The following DLGAP1 variants were observed in gnomAD, a reference collection of about 807,000 sequenced individuals.
DLGAP1 encodes disks large-associated protein 1.
Under a neutral mutation model 90.8 loss-of-function variants are expected in DLGAP1, and 11 were observed. That is an observed-to-expected ratio of 0.12 (90% CI 0.08 to 0.20). DLGAP1 has a LOEUF of 0.20. Among genes scored for constraint, DLGAP1 ranks in the 10% least tolerant of loss-of-function variants. The probability of loss-of-function intolerance (pLI) is 1.00; values close to 1 mark genes in which losing one functional copy is unlikely to be tolerated. For synonymous variants in DLGAP1, 558 were observed against 540.7 expected (o/e 1.03, Z -0.44); for missense variants, 1,050 against 1,333.8 (o/e 0.79, Z 3.31).
At chr18:4,055,130 A>C (rs570102157) in intron 2 of DLGAP1, among the ~76,000 whole-genome samples, 1 of 152,278 alleles carries the variant, frequency 6.6e-6, no homozygotes, top group Non-Finnish European at 1.5e-5. Flanking sequence ...ATGTGACATG[A>C]GCAGTGAGGT....
chr18:3,692,003 C>A lies in DLGAP1; in HGVS notation c.1591+37132G>T, dbSNP rs1485586773. Among the ~76,000 whole-genome samples, 4 of 152,112 alleles carry A rather than the reference C, an allele frequency of 2.6e-5. 1 individual carries two copies. In the East Asian group the frequency reaches 7.7e-4, roughly 29 times the overall value. ...ATATAAGGAAGGAAAAATAGAAAAT[C>A]TTGAATCCACGTAATGGTGGTTTGT... On this transcript the variant is annotated intron_variant, in intron 7 of 12. Coordinates refer to ENST00000315677, the MANE Select transcript of DLGAP1 (RefSeq NM_004746.4).
chr18:3,944,604 G>A (rs1001130012), intron 3 of DLGAP1, among the ~76,000 whole-genome samples: 2 of 152,204 alleles, frequency 1.3e-5, no homozygotes, highest in African/African-American at 2.4e-5. Context: ...AGTATGAGCT[G>A]GGGCTGAGGC....
At chr18:3,949,375 G>A (rs1015162933) in intron 3 of DLGAP1, among the ~76,000 whole-genome samples, 7 of 152,284 alleles carry the variant, frequency 4.6e-5, no homozygotes, top group African/African-American at 1.7e-4. Context: ...TTGTAGCTCC[G>A]GACCTGGGGC....
intron 7 of DLGAP1, among the ~76,000 whole-genome samples, chr18:3,712,965 A>C (rs2061644286): frequency 6.6e-6 from 1 of 152,208 alleles, no homozygotes. Flanking sequence ...TGTGTTCAGA[A>C]GGATGGGGCA....
chr18:3,850,094 C>T (rs1489413605), intron 4 of DLGAP1, among the ~76,000 whole-genome samples: 1 of 151,414 alleles, frequency 6.6e-6, no homozygotes, highest in Non-Finnish European at 1.5e-5. Context: ...AGGCCAGGTG[C>T]AGTGGCTCAC....
At chr18:3,737,299 C>A (rs2062687172) in intron 6 of DLGAP1, among the ~76,000 whole-genome samples, 2 of 152,178 alleles carry the variant, frequency 1.3e-5, no homozygotes. Context: ...GATACCAAAG[C>A]CTGGCAGAGA....
In DLGAP1 at chr18:4,242,292, T is replaced by C. The variant is rs114631974; in HGVS notation, c.-266-91005A>G. Among the ~76,000 whole-genome samples the C allele has an allele frequency of 7.0e-3, 1,073 of 152,284 alleles. 13 individuals carry two copies. Among genetic ancestry groups the C allele is most frequent in the African/African-American group, 0.025 (1,040 of 41,558 alleles). ...TCAAGATTCATCTTGAAATATTTTA[T>C]GCATTCTTTTTTTAATCCACTGGAA... On this transcript the variant is annotated intron_variant, in intron 1 of 12. Coordinates refer to ENST00000315677, the MANE Select transcript of DLGAP1 (RefSeq NM_004746.4).
intron 1 of DLGAP1, among the ~76,000 whole-genome samples, chr18:4,290,900 C>A (rs566309316): frequency 6.6e-6 from 1 of 152,078 alleles, no homozygotes; most frequent in Non-Finnish European, 1.5e-5. Flanking sequence ...GTGCCCTGTA[C>A]GGAGTGCTCA....
intron 1 of DLGAP1, among the ~76,000 whole-genome samples, chr18:4,431,571 C>T (rs1172649231): frequency 2.0e-5 from 3 of 152,140 alleles, no homozygotes; most frequent in Non-Finnish European, 4.4e-5. Context: ...CAAAACCATC[C>T]TCTTTGAGGT....
chr18:3,608,570 A>C (rs1220194109), intron 7 of DLGAP1, among the ~76,000 whole-genome samples: 2 of 152,216 alleles, frequency 1.3e-5, no homozygotes, highest in Non-Finnish European at 2.9e-5. Flanking sequence ...GTTGGGGCTC[A>C]GAACATAATG....
At chr18:4,265,641 T>TCCCTCCCCTCCC (rs1568480247) in intron 1 of DLGAP1, among the ~76,000 whole-genome samples, 1 of 28,298 alleles carries the variant, frequency 3.5e-5, no homozygotes, top group Non-Finnish European at 5.1e-5. Flanking sequence ...CTCCCTCCCC[T>TCCCTCCCCTCCC]TCCCTCCCTC....
intron 7 of DLGAP1, among the ~76,000 whole-genome samples, chr18:3,636,970 G>C (rs1363754049): frequency 6.6e-6 from 1 of 151,882 alleles, no homozygotes; most frequent in African/African-American, 2.4e-5. Context: ...TGATCCACCC[G>C]CCTCGGCATC....
rs115055880 is a variant in DLGAP1, at chr18:3,660,975, C to G, written c.1591+68160G>C. The stretch of plus-strand genomic sequence containing the variant: ...AGAAAGAGGAACTAAAAAAGAACTT[C>G]AGCCTTTAATATCCTTTTTCTAAGT... On this transcript the variant is annotated intron_variant, in intron 7 of 12. Transcript: ENST00000315677. The surrounding 1 kb of genome is among the most constrained non-coding windows in gnomAD (Gnocchi z 4.2). 5.7e-3 allele frequency among the ~76,000 whole-genome samples: 861 copies of G among 152,342 alleles called. 7 individuals are homozygous for G. Among genetic ancestry groups the G allele is most frequent in the African/African-American group, 0.02 (830 of 41,572 alleles).
At position 3,879,398 on chromosome 18, in the gene DLGAP1, A is replaced by G. The variant is rs2071088000; in HGVS notation, c.671T>C (p.Met224Thr). The G allele has an allele frequency of 6.2e-7, 1 of 1,612,832 alleles. No individual in the cohort carries two copies. Among genetic ancestry groups the G allele is most frequent in the African/African-American group, 1.3e-5 (1 of 74,950 alleles). ...GGCCGAGCGGTCGGGGCACCTGCCCATGGTCATCACGCCCGAGGGGGCGTG... is the reference window on the plus strand; with the variant it reads ...GGCCGAGCGGTCGGGGCACCTGCCCGTGGTCATCACGCCCGAGGGGGCGTG... Reference protein sequence around the residue: ...IYHAPSGVMTMGRCPDRSASQ... With the variant: ...IYHAPSGVMTTGRCPDRSASQ... Residue 224 changes from methionine (M) to threonine (T), a missense_variant, in exon 4 of 13, where the codon ATG becomes ACG. Met to Thr is a moderately conservative substitution (Grantham distance 81, BLOSUM62 -1). Coordinates refer to ENST00000315677, the MANE Select transcript of DLGAP1 (RefSeq NM_004746.4). The surrounding 1 kb of genome is among the most constrained non-coding windows in gnomAD (Gnocchi z 6.6).
intron 1 of DLGAP1, among the ~76,000 whole-genome samples, chr18:4,305,871 C>A (rs2080239629): frequency 6.6e-6 from 1 of 151,498 alleles, no homozygotes; most frequent in African/African-American, 2.4e-5. Context: ...TAGTGTGGAA[C>A]CTGGGAAAAC....
At chr18:3,933,947 G>A (rs1172448972) in intron 3 of DLGAP1, among the ~76,000 whole-genome samples, 2 of 152,202 alleles carry the variant, frequency 1.3e-5, no homozygotes, top group African/African-American at 4.8e-5. Flanking sequence ...CATCAATGAG[G>A]TGCCGAGTCT....
At chr18:4,418,367 C>A (rs1459712944) in intron 1 of DLGAP1, among the ~76,000 whole-genome samples, 1 of 152,076 alleles carries the variant, frequency 6.6e-6, no homozygotes, top group Non-Finnish European at 1.5e-5. Context: ...AAGTAAGCAG[C>A]AAAACCAGAC....
chr18:3,538,136 G>C (rs1479255231), intron 9 of DLGAP1, among the ~76,000 whole-genome samples: 1 of 152,152 alleles, frequency 6.6e-6, no homozygotes, highest in Non-Finnish European at 1.5e-5. Flanking sequence ...AAAAGGAAGA[G>C]TCATCTCAAT....
intron 10 of DLGAP1, among the ~76,000 whole-genome samples, chr18:3,533,360 T>A (rs1451965917): frequency 6.6e-6 from 1 of 152,244 alleles, no homozygotes; most frequent in Non-Finnish European, 1.5e-5. Flanking sequence ...GATTATAAAA[T>A]GTGTTTCTTT....
Sources: allele counts gnomAD v4.1 joint callset (sites outside exome capture counted in the v4.1 genomes callset), GRCh38; gene constraint gnomAD v4.1.1; non-coding constraint Gnocchi (gnomAD v3.1); transcripts MANE v1.5; gene names NCBI Gene and HGNC (gene_info 2026-07-23, HGNC 2026-07-21).